The following POU2F1 variants were observed in gnomAD, a reference collection of about 807,000 sequenced individuals.
POU2F1 encodes the protein POU class 2 homeobox 1, also known as POU domain, class 2, transcription factor 1.
Under a neutral mutation model 84.9 loss-of-function variants are expected in POU2F1, and 16 were observed. That is an observed-to-expected ratio of 0.19 (90% CI 0.13 to 0.29). The LOEUF (loss-of-function observed/expected upper bound fraction) is 0.29. POU2F1 is among the 10% of genes least tolerant of loss of function. The pLI, the probability that POU2F1 is intolerant of heterozygous loss-of-function variation, is 1.00. For missense variants in POU2F1, 738 were observed against 942.6 expected, an observed-to-expected ratio of 0.78 and a Z score of 2.84; for synonymous variants, 368 against 368.3, an observed-to-expected ratio of 1.00 and a Z score of 0.01.
intron 1 of POU2F1, among the ~76,000 whole-genome samples, chr1:167,263,413 A>G (rs1184500302): frequency 2.0e-5 from 3 of 151,532 alleles, no homozygotes; most frequent in East Asian, 3.9e-4. Context: ...CCAGCTACTC[A>G]GGGGGTTGAG....
intron 1 of POU2F1, chr1:167,329,366 T>C (rs1656928166): frequency 2.0e-6 from 3 of 1,521,516 alleles, no homozygotes; most frequent in Non-Finnish European, 2.7e-6. Flanking sequence ...GTGTGTCGGG[T>C]TGACTATGCA....
intron 11 of POU2F1, among the ~76,000 whole-genome samples, 178 bp from the exon 12 acceptor site, chr1:167,399,008 G>A (rs1649008486): frequency 6.6e-6 from 1 of 152,136 alleles, no homozygotes; most frequent in South Asian, 2.1e-4. Flanking sequence ...ATATGAATAA[G>A]TTTAATAGGT....
chr1:167,247,956 G>T (rs1650457236), intron 1 of POU2F1, among the ~76,000 whole-genome samples: 2 of 152,180 alleles, frequency 1.3e-5, no homozygotes, highest in African/African-American at 4.8e-5. Flanking sequence ...AACCAGTGAG[G>T]GGGAAGTATC....
intron 2 of POU2F1, among the ~76,000 whole-genome samples, chr1:167,359,619 G>T (rs958966183): frequency 2.6e-5 from 4 of 152,194 alleles, no homozygotes; most frequent in African/African-American, 7.2e-5. Flanking sequence ...CTCTGCTGTT[G>T]TGAATAGTGC....
At chr1:167,391,113 A>G (rs1468535337) in intron 9 of POU2F1, among the ~76,000 whole-genome samples, 1 of 152,096 alleles carries the variant, frequency 6.6e-6, no homozygotes, top group African/African-American at 2.4e-5. Context: ...CATAAATAAT[A>G]TATTTTTTTA....
At chr1:167,297,841 T>C (rs1233974734) in intron 1 of POU2F1, among the ~76,000 whole-genome samples, 3 of 152,068 alleles carry the variant, frequency 2.0e-5, no homozygotes, top group Non-Finnish European at 4.4e-5. Context: ...GGGCTGAGGA[T>C]GGACCCTAAG....
chr1:167,220,970 A>T lies in POU2F1; in HGVS notation c.61+12A>T. On this transcript the variant is annotated intron_variant, in intron 1 of 15. Coordinates refer to ENST00000367866, the MANE Select transcript of POU2F1 (RefSeq NM_002697.4). ...GGCAGCAGCAGCAGGTAATCATTAC[A>T]GCATTTTACATATTCATATTCATAC... 1.3e-6 allele frequency: 2 copies of T among 1,534,344 alleles called. No individual in the cohort carries two copies. The highest frequency in any genetic ancestry group is 1.7e-6 in the Non-Finnish European group (2 of 1,145,770).
chr1:167,341,958 C>G (rs1657889666), intron 2 of POU2F1, among the ~76,000 whole-genome samples: 1 of 152,110 alleles, frequency 6.6e-6, no homozygotes, highest in African/African-American at 2.4e-5. Flanking sequence ...TTGACCACCC[C>G]CAGTCGAATT....
intron 12 of POU2F1, 83 bp from the exon 13 acceptor site, chr1:167,401,368 G>T: frequency 1.1e-6 from 1 of 924,492 alleles, no homozygotes; most frequent in Non-Finnish European, 1.6e-6. Flanking sequence ...TCAATTCCAA[G>T]ATCAAAGAAA....
intron 2 of POU2F1, among the ~76,000 whole-genome samples, chr1:167,347,825 T>C (rs12741495): frequency 0.015 from 2,227 of 152,328 alleles, 22 homozygotes; most frequent in South Asian, 0.026. Context: ...CTTAGTATAA[T>C]GTTTTCAAGG....
chr1:167,310,418 A>G (rs1046761229), intron 1 of POU2F1, among the ~76,000 whole-genome samples: 1 of 152,134 alleles, frequency 6.6e-6, no homozygotes, highest in Admixed American at 6.5e-5. Context: ...ATTTCTTTTC[A>G]TAAGTGACAT....
chr1:167,320,290 G>A (rs1214158623), intron 1 of POU2F1, among the ~76,000 whole-genome samples: 1 of 152,170 alleles, frequency 6.6e-6, no homozygotes, highest in Non-Finnish European at 1.5e-5. Flanking sequence ...GAAGTATAGG[G>A]CGTCTGGAAA....
At chr1:167,363,078 A>G (rs957046120) in intron 2 of POU2F1, among the ~76,000 whole-genome samples, 2 of 152,206 alleles carry the variant, frequency 1.3e-5, no homozygotes, top group African/African-American at 4.8e-5. Flanking sequence ...CAGGGCACTT[A>G]AATACTATTA....
intron 1 of POU2F1, among the ~76,000 whole-genome samples, chr1:167,237,935 G>A (rs1302034070): frequency 2.6e-5 from 4 of 151,016 alleles, no homozygotes; most frequent in East Asian, 3.9e-4. Flanking sequence ...GCGTGCCACC[G>A]CACCCGGCTA....
intron 7 of POU2F1, chr1:167,379,968 G>A (rs1458236062): frequency 6.6e-6 from 1 of 152,202 alleles, no homozygotes; most frequent in Non-Finnish European, 1.5e-5. Flanking sequence ...CACAGATAAT[G>A]TAATACTGAT....
At chr1:167,336,035 G>T (rs1455274916) in intron 2 of POU2F1, among the ~76,000 whole-genome samples, 1 of 152,026 alleles carries the variant, frequency 6.6e-6, no homozygotes, top group Non-Finnish European at 1.5e-5. Context: ...AAAATTAAAA[G>T]ATATGTAATG....
intron 2 of POU2F1, among the ~76,000 whole-genome samples, chr1:167,344,675 C>CA (rs1658074523): frequency 1.3e-5 from 2 of 152,086 alleles, no homozygotes; most frequent in South Asian, 2.1e-4. Context: ...TTGTTGTATA[C>CA]ACGGAAAGCA....
At chr1:167,337,255 AG>A (rs111957585) in intron 2 of POU2F1, among the ~76,000 whole-genome samples, 5 of 151,056 alleles carry the variant, frequency 3.3e-5, no homozygotes, top group African/African-American at 1.2e-4. Context: ...GAGCTTGGGC[AG>A]TCGAGGCTAC....
At chr1:167,322,025 C>A (rs1656347441) in intron 1 of POU2F1, among the ~76,000 whole-genome samples, 1 of 152,180 alleles carries the variant, frequency 6.6e-6, no homozygotes, top group Non-Finnish European at 1.5e-5. Context: ...TTTACCAACT[C>A]CAACTATGTT....
Sources: allele counts gnomAD v4.1 joint callset (sites outside exome capture counted in the v4.1 genomes callset), GRCh38; gene constraint gnomAD v4.1.1; transcripts MANE v1.5; gene names NCBI Gene and HGNC (gene_info 2026-07-23, HGNC 2026-07-21).